BCAR3: variants seen among roughly 807,000 people sequenced by gnomAD.
BCAR3 encodes BCAR3 adaptor protein, NSP family member, also known as breast cancer anti-estrogen resistance protein 3.
In BCAR3, 37 loss-of-function variants were observed where a neutral mutation model predicts 80.1. The ratio of observed to expected loss-of-function variants is 0.46; its 90% CI spans 0.36 to 0.61. The LOEUF is 0.61. BCAR3 is among the 20% of genes least tolerant of loss of function. The probability of loss-of-function intolerance (pLI) is 0.00; values close to 1 mark genes in which losing one functional copy is unlikely to be tolerated. For synonymous variants in BCAR3, 389 were observed against 418.9 expected, an observed-to-expected ratio of 0.93 and a Z score of 0.87; for missense variants, 978 against 1,068.2, an observed-to-expected ratio of 0.92 and a Z score of 1.18.
chr1:93,711,317 G>T (rs1650015426), intron 2 of BCAR3, among the ~76,000 whole-genome samples: 1 of 152,150 alleles, frequency 6.6e-6, no homozygotes, highest in South Asian at 2.1e-4. Context: ...GTATGGTATG[G>T]GTCCAAATGG....
intron 2 of BCAR3, chr1:93,753,513 C>T (rs1651634570): frequency 6.6e-6 from 1 of 152,272 alleles, no homozygotes; most frequent in Admixed American, 6.6e-5. Flanking sequence ...TATGCAGACC[C>T]TGCACTGCAT....
intron 3 of BCAR3, among the ~76,000 whole-genome samples, chr1:93,629,662 G>A (rs1458267966): frequency 6.6e-6 from 1 of 152,164 alleles, no homozygotes; most frequent in East Asian, 1.9e-4. Flanking sequence ...GAGCACTAGA[G>A]GGCAGAGCTT....
chr1:93,625,753 C>T (rs1051745353), intron 3 of BCAR3, among the ~76,000 whole-genome samples: 3 of 152,206 alleles, frequency 2.0e-5, no homozygotes, highest in Non-Finnish European at 2.9e-5. Flanking sequence ...TTCTCATTCC[C>T]AGGGTCTGAC....
intron 2 of BCAR3, among the ~76,000 whole-genome samples, chr1:93,804,626 A>G (rs1439541539): frequency 1.3e-5 from 2 of 152,190 alleles, no homozygotes; most frequent in Admixed American, 1.3e-4. Context: ...CCAGCATGAG[A>G]TTTTATCGTA....
chr1:93,840,839 A>G (rs1654934178), intron 2 of BCAR3, among the ~76,000 whole-genome samples: 1 of 152,224 alleles, frequency 6.6e-6, no homozygotes, highest in Admixed American at 6.5e-5. Flanking sequence ...CACATAGTCA[A>G]GTAGCTTCCT....
At chr1:93,632,862 A>G (rs1342445231) in intron 3 of BCAR3, among the ~76,000 whole-genome samples, 1 of 152,158 alleles carries the variant, frequency 6.6e-6, no homozygotes, top group African/African-American at 2.4e-5. Context: ...TAATAAAAAT[A>G]TAAAAAATTA....
chr1:93,573,650 A>G (rs2101812913), intron 8 of BCAR3, among the ~76,000 whole-genome samples: 1 of 130,712 alleles, frequency 7.7e-6, no homozygotes, highest in Admixed American at 7.5e-5. Flanking sequence ...TTTTTTTGAG[A>G]CAGGGTTTTG....
upstream of BCAR3, among the ~76,000 whole-genome samples, chr1:93,684,399 C>A (rs925507015): frequency 6.6e-6 from 1 of 152,140 alleles, no homozygotes; most frequent in Non-Finnish European, 1.5e-5. Context: ...TCCCCTCAGT[C>A]CCTCCATTTC....
chr1:93,785,911 C>CATGCATTTCTGCCTTGCTCCCTG (rs1418657193), intron 2 of BCAR3, among the ~76,000 whole-genome samples: 2 of 146,448 alleles, frequency 1.4e-5, no homozygotes, highest in African/African-American at 5.4e-5. Context: ...ATAAAAGTGC[C>CATGCATTTCTGCCTTGCTCCCTG]GGCCGGGCGC....
intron 3 of BCAR3, among the ~76,000 whole-genome samples, chr1:93,703,909 C>A (rs1649737703): frequency 6.6e-6 from 1 of 152,196 alleles, no homozygotes. Context: ...TGGCTACAGC[C>A]AGACTATCTA....
At chr1:93,666,791 T>C (rs139257923) in intron 2 of BCAR3, among the ~76,000 whole-genome samples, 6 of 152,346 alleles carry the variant, frequency 3.9e-5, no homozygotes, top group African/African-American at 4.8e-5. Context: ...CTATAAACTG[T>C]TGAGTGTTGG....
intron 2 of BCAR3, among the ~76,000 whole-genome samples, chr1:93,651,252 G>A (rs1011993963): frequency 3.9e-5 from 6 of 152,294 alleles, no homozygotes; most frequent in Admixed American, 2.6e-4. Flanking sequence ...GGCACAGCCA[G>A]AGGGACCTAC....
intron 2 of BCAR3, among the ~76,000 whole-genome samples, chr1:93,664,638 G>A (rs1647816912): frequency 6.6e-6 from 1 of 152,138 alleles, no homozygotes; most frequent in Admixed American, 6.5e-5. Flanking sequence ...ATAAAAACTT[G>A]ACCCAGTCAT....
At chr1:93,846,284 T>C (rs935491989) in intron 1 of BCAR3, among the ~76,000 whole-genome samples, 2 of 151,944 alleles carry the variant, frequency 1.3e-5, no homozygotes, top group Non-Finnish European at 2.9e-5. Context: ...AAGCACAGGG[T>C]GGGCCGCGGC....
intron 4 of BCAR3, among the ~76,000 whole-genome samples, chr1:93,589,893 A>G (rs945643810): frequency 6.6e-6 from 1 of 152,226 alleles, no homozygotes; most frequent in Non-Finnish European, 1.5e-5. Context: ...TGATGTAATG[A>G]AACAGGAAAT....
chr1:93,811,017 T>C (rs1367254003), intron 2 of BCAR3, among the ~76,000 whole-genome samples: 1 of 152,168 alleles, frequency 6.6e-6, no homozygotes, highest in Non-Finnish European at 1.5e-5. Flanking sequence ...TCAGGCTCTT[T>C]GGGTTACAGG....
At chr1:93,781,889 T>C (rs1652773451) in intron 2 of BCAR3, among the ~76,000 whole-genome samples, 1 of 152,202 alleles carries the variant, frequency 6.6e-6, no homozygotes, top group Non-Finnish European at 1.5e-5. Flanking sequence ...CTCTTCAACT[T>C]TATCTAGGTC....
intron 2 of BCAR3, among the ~76,000 whole-genome samples, chr1:93,722,503 G>T (rs72721079): frequency 1.5e-3 from 231 of 152,336 alleles, no homozygotes; most frequent in Middle Eastern, 3.4e-3. Context: ...ACTCTAAGCC[G>T]CAGGCAGCCA....
In BCAR3 at chr1:93,567,809, A is replaced by T. The variant is rs769238156; in HGVS notation, c.2017T>A (p.Tyr673Asn). 2 of 1,614,104 alleles carry T rather than the reference A, an allele frequency of 1.2e-6. No homozygotes were observed. Among genetic ancestry groups the T allele is most frequent in the Non-Finnish European group, 1.7e-6 (2 of 1,180,036 alleles). ...EKTWTALRHQ[Y>N]TQTAILYEKQ... The stretch of plus-strand genomic sequence containing the variant: ...TCATAGAGAATGGCAGTTTGGGTGT[A>T]CTGGTGCCGCAGAGCAGTCCACGTC... The change falls in exon 10 of 12, where the codon TAC (tyrosine) becomes AAC (asparagine). Residue 673 changes from tyrosine (Y) to asparagine (N), a missense_variant. Coordinates refer to ENST00000260502, the MANE Select transcript of BCAR3 (RefSeq NM_003567.4).
Sources: gnomAD v4.1 joint callset for allele counts (sites outside exome capture counted in the v4.1 genomes callset) on GRCh38, gnomAD v4.1.1 for gene constraint, MANE v1.5 for transcripts, NCBI Gene and HGNC (gene_info 2026-07-23, HGNC 2026-07-21) for gene names.